Variants in MTRF1 observed in about 807,000 individuals in gnomAD.
The protein encoded by MTRF1 is peptide chain release factor 1, mitochondrial.
In MTRF1, 51 loss-of-function variants were observed where a neutral mutation model predicts 62.9. The observed-to-expected ratio is 0.81, with a 90% CI of 0.65 to 1.02. The LOEUF (loss-of-function observed/expected upper bound fraction) is 1.02. Among genes scored for constraint, MTRF1 ranks in the 50% least tolerant of loss-of-function variants. MTRF1 has a pLI of 0.00. For synonymous variants in MTRF1, 158 were observed against 181.9 expected (o/e 0.87, Z 1.06); for missense variants, 446 against 530.0 (o/e 0.84, Z 1.56).
chr13:41,248,842 T>C (rs9590577), intron 5 of MTRF1, among the ~76,000 whole-genome samples: 2,438 of 152,320 alleles, frequency 0.016, 80 homozygotes, highest in African/African-American at 0.055. Context: ...ATATTTCAAT[T>C]CATTTGATAC....
chr13:41,219,827 C>A (rs1269183853), intron 9 of MTRF1, among the ~76,000 whole-genome samples: 1 of 151,668 alleles, frequency 6.6e-6, no homozygotes, highest in Non-Finnish European at 1.5e-5. Context: ...GGGGAAACCC[C>A]GTTTCTACTA....
the MTRF1 span, among the ~76,000 whole-genome samples, chr13:41,285,599 T>C: frequency 3.9e-5 from 6 of 152,182 alleles, no homozygotes; most frequent in Non-Finnish European, 8.8e-5. Context: ...GTATCCTCCT[T>C]GGCTAGGAGG....
chr13:41,292,840 G>A, the MTRF1 span, among the ~76,000 whole-genome samples: 3 of 152,108 alleles, frequency 2.0e-5, no homozygotes, highest in African/African-American at 7.2e-5. Flanking sequence ...GGAGGCTGAG[G>A]TGGGAGGACT....
the MTRF1 span, chr13:41,288,324 G>T: frequency 3.8e-6 from 1 of 262,362 alleles, no homozygotes; most frequent in Non-Finnish European, 7.6e-6. Context: ...CTTGCACCTG[G>T]GTCACTCGCT....
chr13:41,258,111 A>G (rs1408441040), intron 2 of MTRF1, among the ~76,000 whole-genome samples: 1 of 152,202 alleles, frequency 6.6e-6, no homozygotes, highest in East Asian at 1.9e-4. Flanking sequence ...CTAATTAACT[A>G]CAAATCTGTG....
At chr13:41,226,627 C>G in intron 7 of MTRF1, 59 bp from the exon 8 acceptor site, 1 of 1,575,386 alleles carries the variant, frequency 6.3e-7, no homozygotes, top group Non-Finnish European at 8.7e-7. Context: ...AAGATAGAAC[C>G]AAGGAACAGT....
At chr13:41,232,479 A>T (rs894455641) in intron 7 of MTRF1, among the ~76,000 whole-genome samples, 2 of 152,236 alleles carry the variant, frequency 1.3e-5, no homozygotes, top group African/African-American at 4.8e-5. Context: ...TCTAAACTGA[A>T]AGCAACAAAT....
the MTRF1 span, among the ~76,000 whole-genome samples, chr13:41,306,743 CT>C: frequency 1.2e-4 from 19 of 152,102 alleles, no homozygotes; most frequent in Non-Finnish European, 2.4e-4. Flanking sequence ...ATGCATGATT[CT>C]AAAGGAGGTA....
chr13:41,249,118 T>G (rs1329216581), intron 5 of MTRF1, among the ~76,000 whole-genome samples: 1 of 152,202 alleles, frequency 6.6e-6, no homozygotes, highest in African/African-American at 2.4e-5. Context: ...CCTCTCCATT[T>G]CAATTAAACA....
At chr13:41,305,020 A>C in the MTRF1 span, among the ~76,000 whole-genome samples, 1 of 152,252 alleles carries the variant, frequency 6.6e-6, no homozygotes, top group African/African-American at 2.4e-5. Flanking sequence ...ACAGAAGCCA[A>C]ATCTTAAGTA....
chr13:41,223,810 A>T (rs965213736), intron 8 of MTRF1, among the ~76,000 whole-genome samples: 2 of 152,090 alleles, frequency 1.3e-5, no homozygotes, highest in Non-Finnish European at 2.9e-5. Context: ...CCCATTTCCA[A>T]TTGGTTTCAT....
At chr13:41,274,863 T>C in the MTRF1 span, among the ~76,000 whole-genome samples, 3 of 152,038 alleles carry the variant, frequency 2.0e-5, no homozygotes, top group Admixed American at 6.6e-5. Flanking sequence ...TTCACCCCCC[T>C]TGGCCTCCCA....
the MTRF1 span, among the ~76,000 whole-genome samples, chr13:41,280,772 A>G: frequency 1.3e-5 from 2 of 151,872 alleles, no homozygotes; most frequent in African/African-American, 4.8e-5. Context: ...ACAGAGCTTG[A>G]CTCTTTTTAT....
the MTRF1 span, chr13:41,287,820 G>A: frequency 2.4e-4 from 68 of 279,910 alleles, no homozygotes; most frequent in African/African-American, 1.4e-3. Flanking sequence ...GTCAAACACC[G>A]TTTTGAACCC....
chr13:41,253,128 G>A, intron 3 of MTRF1, 98 bp from the exon 4 acceptor site: 2 of 902,586 alleles, frequency 2.2e-6, no homozygotes, highest in Middle Eastern at 2.3e-4. Context: ...TCAATAATTG[G>A]CAAAATCATA....
intron 5 of MTRF1, among the ~76,000 whole-genome samples, chr13:41,249,365 C>T (rs2038721046): frequency 6.6e-6 from 1 of 152,024 alleles, no homozygotes; most frequent in Admixed American, 6.6e-5. Context: ...CACAGTGAAA[C>T]CCCGTCTCTA....
the MTRF1 span, among the ~76,000 whole-genome samples, chr13:41,271,356 C>G: frequency 6.6e-6 from 1 of 152,158 alleles, no homozygotes; most frequent in African/African-American, 2.4e-5. Flanking sequence ...AGTATAGAAG[C>G]CATGAAACCT....
chr13:41,248,254 T>C (rs2038547798), intron 5 of MTRF1, among the ~76,000 whole-genome samples: 1 of 152,202 alleles, frequency 6.6e-6, no homozygotes, highest in South Asian at 2.1e-4. Context: ...CCTGAGTAAC[T>C]GAGGTTACAG....
the MTRF1 span, among the ~76,000 whole-genome samples, chr13:41,269,330 G>A: frequency 6.6e-6 from 1 of 150,802 alleles, no homozygotes. Context: ...TTCCCAAGTA[G>A]CTGGGATTAC....
Sources: gnomAD v4.1 joint callset for allele counts (sites outside exome capture counted in the v4.1 genomes callset) on GRCh38, gnomAD v4.1.1 for gene constraint, MANE v1.5 for transcripts, NCBI Gene and HGNC (gene_info 2026-07-23, HGNC 2026-07-21) for gene names.